The following PDE4D variants were observed in gnomAD, a reference collection of about 807,000 sequenced individuals.
PDE4D encodes 3',5'-cyclic-AMP phosphodiesterase 4D.
PDE4D carries 24 observed loss-of-function variants against 87.4 expected under a neutral mutation model. The ratio of observed to expected loss-of-function variants is 0.27; its 90% CI spans 0.20 to 0.39. PDE4D has a LOEUF of 0.39. Among genes scored for constraint, PDE4D ranks in the 10% least tolerant of loss-of-function variants. The pLI is 1.00. For missense variants in PDE4D, 714 were observed against 1,041.0 expected, an observed-to-expected ratio of 0.69 and a Z score of 4.32; for synonymous variants, 384 against 383.2, an observed-to-expected ratio of 1.00 and a Z score of -0.02.
At chr5:59,844,162 A>T (rs1464551363) in intron 1 of PDE4D, among the ~76,000 whole-genome samples, 1 of 152,102 alleles carries the variant, frequency 6.6e-6, no homozygotes, top group African/African-American at 2.4e-5. Flanking sequence ...GACTGCTCAA[A>T]TTCATTTGTT....
At chr5:59,227,008 C>T (rs1007370699) in intron 1 of PDE4D, among the ~76,000 whole-genome samples, 3 of 152,144 alleles carry the variant, frequency 2.0e-5, no homozygotes, top group Non-Finnish European at 2.9e-5. Flanking sequence ...GAGGGAAGAG[C>T]AGAAAAGCAC....
At chr5:60,089,740 CA>C (rs1774917122) in intron 2 of PDE4D, among the ~76,000 whole-genome samples, 2 of 149,228 alleles carry the variant, frequency 1.3e-5, no homozygotes, top group South Asian at 4.2e-4. Flanking sequence ...AAAAGATCAA[CA>C]AAATGTAGTT....
intron 1 of PDE4D, among the ~76,000 whole-genome samples, chr5:60,336,098 T>G (rs528996912): frequency 7.9e-5 from 12 of 152,288 alleles, no homozygotes; most frequent in Middle Eastern, 3.4e-3. Flanking sequence ...GACCAAACAC[T>G]GACAACTTAT....
intron 2 of PDE4D, among the ~76,000 whole-genome samples, chr5:60,081,885 T>C (rs1774000868): frequency 6.6e-6 from 1 of 152,212 alleles, no homozygotes; most frequent in South Asian, 2.1e-4. Flanking sequence ...AACAAAAGTC[T>C]TCTCAGGTTC....
chr5:59,718,401 T>C (rs953827868), intron 1 of PDE4D, among the ~76,000 whole-genome samples: 1 of 152,204 alleles, frequency 6.6e-6, no homozygotes, highest in African/African-American at 2.4e-5. Context: ...AACACCTTCC[T>C]TAATTTTTAA....
chr5:60,208,911 G>A lies in PDE4D; in HGVS notation c.-89-23224C>T, dbSNP rs1742855111. 2.0e-5 allele frequency among the ~76,000 whole-genome samples: 3 copies of A among 152,158 alleles called. No homozygotes were observed. In the South Asian group the frequency reaches 6.2e-4, roughly 31 times the overall value. On this transcript the variant is annotated intron_variant, in intron 1 of 16. Transcript: ENST00000502484. ...TGCAGGAGGTGCCGGCAAGACAGAT[G>A]GGATCTACAGGAAACCTGCCTCACT...
chr5:59,878,299 A>G (rs984326598), intron 1 of PDE4D, among the ~76,000 whole-genome samples: 2 of 152,230 alleles, frequency 1.3e-5, no homozygotes, highest in South Asian at 4.1e-4. Flanking sequence ...TGATCTATCC[A>G]CAACACTGCA....
At chr5:60,369,705 T>C (rs1760853042) in intron 1 of PDE4D, among the ~76,000 whole-genome samples, 1 of 152,164 alleles carries the variant, frequency 6.6e-6, no homozygotes, top group Non-Finnish European at 1.5e-5. Context: ...TGTCTGCTTC[T>C]ATTCATAAGA....
chr5:59,081,148 G>A (rs927030347), intron 5 of PDE4D, among the ~76,000 whole-genome samples: 1 of 152,110 alleles, frequency 6.6e-6, no homozygotes, highest in African/African-American at 2.4e-5. Context: ...TTTAACTGAT[G>A]TCAAGTCATC....
In PDE4D at chr5:60,431,531, C is replaced by T. The variant is rs192511383; in HGVS notation, c.-90+56411G>A. On this transcript the variant is annotated intron_variant, in intron 1 of 16. Coordinates refer to the PDE4D transcript ENST00000502484. The stretch of plus-strand genomic sequence containing the variant: ...AGATGGGATGGAGGTCGGGAAGAGG[C>T]GCTCCTCACTTCCTAGATGGGATGG... 3.3e-4 allele frequency among the ~76,000 whole-genome samples: 50 copies of T among 150,812 alleles called. 1 individual carries two copies. The East Asian group carries it at 6.8e-3, about 20-fold the overall frequency.
intron 1 of PDE4D, among the ~76,000 whole-genome samples, chr5:60,467,300 A>C (rs1051736965): frequency 1.3e-5 from 2 of 152,162 alleles, no homozygotes; most frequent in Non-Finnish European, 2.9e-5. Flanking sequence ...AGCCTCCCAA[A>C]GTGCTGGGAT....
At chr5:60,032,977 A>C (rs1241886377) in intron 2 of PDE4D, 1 of 152,150 alleles carries the variant, frequency 6.6e-6, no homozygotes, top group South Asian at 2.1e-4. Flanking sequence ...TCTGTGGACA[A>C]GCCATGGTTA....
chr5:58,990,973 T>A (rs939934255), intron 8 of PDE4D, 71 bp from the exon 9 acceptor site: 1 of 889,470 alleles, frequency 1.1e-6, no homozygotes, highest in East Asian at 2.6e-5. Context: ...ATGAACACAA[T>A]CATTTAAAAA....
At chr5:59,146,406 T>C (rs1778660498) in intron 5 of PDE4D, among the ~76,000 whole-genome samples, 1 of 152,158 alleles carries the variant, frequency 6.6e-6, no homozygotes, top group African/African-American at 2.4e-5. Flanking sequence ...TTTTGAAGCA[T>C]ACGAATCAAT....
At chr5:59,233,202 A>G (rs1174407304) in intron 1 of PDE4D, among the ~76,000 whole-genome samples, 2 of 152,332 alleles carry the variant, frequency 1.3e-5, no homozygotes, top group East Asian at 3.9e-4. Flanking sequence ...GAAATGATAA[A>G]TGCCCAAGGT....
chr5:58,982,519 C>T (rs1209908368), intron 11 of PDE4D, among the ~76,000 whole-genome samples: 1 of 152,168 alleles, frequency 6.6e-6, no homozygotes, highest in Non-Finnish European at 1.5e-5. Flanking sequence ...GCAGGGAAGG[C>T]ACATCTGTTT....
chr5:60,056,639 T>A (rs917701351), intron 2 of PDE4D, among the ~76,000 whole-genome samples: 2 of 152,044 alleles, frequency 1.3e-5, no homozygotes, highest in Non-Finnish European at 2.9e-5. Context: ...CAAAGGGAAG[T>A]CAAGAGGCCC....
chr5:60,415,981 C>G (rs558062743), intron 1 of PDE4D, among the ~76,000 whole-genome samples: 1 of 152,330 alleles, frequency 6.6e-6, no homozygotes, highest in South Asian at 2.1e-4. Context: ...ACACACCAAT[C>G]AGCACCCTGT....
chr5:59,361,880 G>A (rs1782284394), intron 1 of PDE4D, among the ~76,000 whole-genome samples: 1 of 152,202 alleles, frequency 6.6e-6, no homozygotes, highest in Non-Finnish European at 1.5e-5. Flanking sequence ...AATAGGGGCA[G>A]AAATTTCAGA....
Sources: gnomAD v4.1 joint callset for allele counts (sites outside exome capture counted in the v4.1 genomes callset) on GRCh38, gnomAD v4.1.1 for gene constraint, MANE v1.5 for transcripts, NCBI Gene and HGNC (gene_info 2026-07-23, HGNC 2026-07-21) for gene names.